The following SLC29A4 variants were observed in gnomAD, a reference collection of about 807,000 sequenced individuals.
SLC29A4 encodes solute carrier family 29 member 4.
Under a neutral mutation model 43.9 loss-of-function variants are expected in SLC29A4, and 36 were observed. The observed-to-expected ratio is 0.82, with a 90% CI of 0.63 to 1.08. The LOEUF is 1.08. Among genes scored for constraint, SLC29A4 ranks in the 50% least tolerant of loss-of-function variants. SLC29A4 has a pLI of 0.00. For synonymous variants in SLC29A4, 491 were observed against 338.0 expected (o/e 1.45, Z -4.97); for missense variants, 869 against 755.3 (o/e 1.15, Z -1.77).
rs911599072 is a variant in SLC29A4 at position 5,303,208 on chromosome 7, G to C, written c.*269G>C. On this transcript the variant is annotated 3_prime_UTR_variant, in exon 11 of 11. Coordinates refer to ENST00000396872, the MANE Select transcript of SLC29A4 (RefSeq NM_153247.4). ...TCATACCTGCGTCTACCTTCCATCT[G>C]TGTCCAGCGGCCCCGGCTCCAGCCC... is the stretch of plus-strand genomic sequence containing the variant. 1.8e-6 allele frequency: 1 copy of C among 542,956 alleles called. No individual in the cohort carries two copies. Among genetic ancestry groups the C allele is most frequent in the Admixed American group, 3.3e-5 (1 of 30,570 alleles). The allele number at this position is 542,956 out of a possible 1,614,324, so 33.6% of individuals were successfully genotyped here.
intron 5 of SLC29A4, among the ~76,000 whole-genome samples, chr7:5,293,368 C>T (rs1253487649): frequency 1.3e-5 from 2 of 151,890 alleles, no homozygotes; most frequent in Admixed American, 6.6e-5. Flanking sequence ...GATGGGGTTT[C>T]ACCATATTGG....
chr7:5,291,884 C>G (rs1055724544), intron 5 of SLC29A4, 63 bp downstream of exon 5: 3 of 1,554,858 alleles, frequency 1.9e-6, no homozygotes, highest in Non-Finnish European at 2.6e-6. Context: ...CCCACCCCAG[C>G]CCTGGTCTCC....
intron 5 of SLC29A4, among the ~76,000 whole-genome samples, chr7:5,294,541 C>T (rs191184836): frequency 5.9e-5 from 9 of 152,206 alleles, no homozygotes; most frequent in Middle Eastern, 3.4e-3. Flanking sequence ...CTCCCCACCC[C>T]GTAACACATG....
Position 5,299,132 on chromosome 7 carries a change from T to C in SLC29A4, c.1021+6T>C. The C allele has an allele frequency of 6.2e-7, 1 of 1,607,206 alleles. No individual in the cohort carries two copies. Among genetic ancestry groups the C allele is most frequent in the South Asian group, 1.1e-5 (1 of 90,812 alleles). On this transcript the variant is annotated splice_donor_region_variant and intron_variant, in intron 8 of 10. Transcript: ENST00000396872. ...CAGCTGGCCCACCTTCAGAGGTGAG[T>C]GCGGGGAGTCCTCTGCTGCCCTGGC...
intron 7 of SLC29A4, among the ~76,000 whole-genome samples, chr7:5,297,645 C>A (rs944646715): frequency 2.0e-5 from 3 of 152,072 alleles, no homozygotes; most frequent in Non-Finnish European, 4.4e-5. Context: ...AAGCTCACAG[C>A]CTTCCTCCCT....
Position 5,284,265 on chromosome 7 carries a change from G to A in SLC29A4, c.-9+1183G>A, listed in dbSNP as rs1784831320. On this transcript the variant is annotated intron_variant, in intron 1 of 10. Coordinates refer to ENST00000396872, the MANE Select transcript of SLC29A4 (RefSeq NM_153247.4). The stretch of plus-strand genomic sequence containing the variant: ...ATTAATAAATGGGGGAGAGCGGTGG[G>A]AGCCCTGCCTTGCCCATAGCAGTGT... Among the ~76,000 whole-genome samples the A allele has an allele frequency of 1.3e-5, 2 of 151,606 alleles. 1 individual carries two copies.
chr7:5,295,943 A>G (rs1583666906), intron 6 of SLC29A4, among the ~76,000 whole-genome samples: 1 of 101,040 alleles, frequency 9.9e-6, no homozygotes, highest in Admixed American at 1.0e-4. Flanking sequence ...GTGGCCCACC[A>G]TGGCCCACCA....
At chr7:5,302,653 G>T (rs1233737954) in intron 10 of SLC29A4, 144 bp from the exon 11 acceptor site, 4 of 752,306 alleles carry the variant, frequency 5.3e-6, no homozygotes, top group Admixed American at 2.9e-5. Flanking sequence ...TCCGGAGAGG[G>T]TGCTCCCAGG....
intron 10 of SLC29A4, among the ~76,000 whole-genome samples, chr7:5,301,492 C>T (rs1328915620): frequency 6.6e-6 from 1 of 152,000 alleles, no homozygotes; most frequent in African/African-American, 2.4e-5. Context: ...GGAAAGGCAT[C>T]CAGGAAGAGG....
Position 5,303,348 on chromosome 7 carries a change from T to G in SLC29A4, c.*409T>G. ...GGCCCTCATCACCCACCGGCACTGA[T>G]CGGGGCACCGCCTGGCCCAGCCTCC... is the stretch of plus-strand genomic sequence containing the variant. On this transcript the variant is annotated 3_prime_UTR_variant, in exon 11 of 11. Coordinates refer to ENST00000396872, the MANE Select transcript of SLC29A4 (RefSeq NM_153247.4). The G allele has an allele frequency of 4.1e-6, 1 of 242,896 alleles. No homozygotes were observed. The highest frequency in any genetic ancestry group is 8.0e-6 in the Non-Finnish European group (1 of 125,674). 15.0% of individuals were successfully genotyped at this position (242,896 alleles called of 1,614,324 possible).
intron 1 of SLC29A4, among the ~76,000 whole-genome samples, chr7:5,285,870 G>A (rs185301163): frequency 1.3e-5 from 2 of 152,044 alleles, no homozygotes; most frequent in African/African-American, 2.4e-5. Flanking sequence ...AAAATTAGCC[G>A]GGCCTGGTGG....
chr7:5,299,497 A>G, intron 9 of SLC29A4, 70 bp downstream of exon 9: 2 of 1,504,286 alleles, frequency 1.3e-6, no homozygotes, highest in Admixed American at 3.8e-5. Context: ...GCCCTGGCCT[A>G]TCCGGGAAGG....
At position 5,290,835 on chromosome 7, in the gene SLC29A4, C is replaced by G; in HGVS notation, c.273C>G (p.Asp91Glu). ...TGCCATACAACAGCTTCATCACGGA[C>G]GTGGACTACCTGCATCACAAGTACC... ...FLLPYNSFITDVDYLHHKYPG... is the reference protein window; with the variant it reads ...FLLPYNSFITEVDYLHHKYPG... The change falls in exon 3 of 11, where the codon GAC becomes GAG. Residue 91 changes from aspartate (D) to glutamate (E), a missense_variant. Asp to Glu is a conservative substitution (Grantham distance 45). Coordinates refer to ENST00000396872, the MANE Select transcript of SLC29A4 (RefSeq NM_153247.4). 1 of 1,613,512 alleles carries G rather than the reference C, an allele frequency of 6.2e-7. No homozygotes were observed. The highest frequency in any genetic ancestry group is 8.5e-7 in the Non-Finnish European group (1 of 1,179,852).
At chr7:5,295,824 C>T (rs954093753) in intron 6 of SLC29A4, among the ~76,000 whole-genome samples, 1 of 145,076 alleles carries the variant, frequency 6.9e-6, no homozygotes, top group African/African-American at 2.5e-5. Flanking sequence ...TGTGGTGTGG[C>T]CGAGCGAGAG....
At chr7:5,300,381 T>C (rs1218483274) in intron 9 of SLC29A4, 41 bp from the exon 10 acceptor site, 2 of 1,608,660 alleles carry the variant, frequency 1.2e-6, no homozygotes, top group Non-Finnish European at 1.7e-6. Context: ...CGAGTGGGGC[T>C]GTGGCCGGGA....
At chr7:5,294,696 C>T (rs1305794202) in intron 5 of SLC29A4, among the ~76,000 whole-genome samples, 164 bp from the exon 6 acceptor site, 1 of 152,172 alleles carries the variant, frequency 6.6e-6, no homozygotes, top group Non-Finnish European at 1.5e-5. Context: ...CCCAAGGGTA[C>T]ACTGGCTGGT....
At chr7:5,297,727 C>T (rs1785811282) in intron 7 of SLC29A4, among the ~76,000 whole-genome samples, 1 of 152,094 alleles carries the variant, frequency 6.6e-6, no homozygotes, top group South Asian at 2.1e-4. Context: ...TGTGGCGGGG[C>T]CCCCAGAATT....
At chr7:5,294,282 C>G (rs181622761) in intron 5 of SLC29A4, among the ~76,000 whole-genome samples, 12 of 152,266 alleles carry the variant, frequency 7.9e-5, no homozygotes, top group Non-Finnish European at 1.6e-4. Context: ...GCCCCTGAGG[C>G]TACTTCCAGG....
intron 1 of SLC29A4, among the ~76,000 whole-genome samples, chr7:5,285,352 G>C (rs1784883455): frequency 6.6e-6 from 1 of 152,052 alleles, no homozygotes; most frequent in African/African-American, 2.4e-5. Context: ...CCTAGAAGGG[G>C]AGACACGCTG....
Sources: allele counts gnomAD v4.1 joint callset (sites outside exome capture counted in the v4.1 genomes callset), GRCh38; gene constraint gnomAD v4.1.1; transcripts MANE v1.5; gene names NCBI Gene and HGNC (gene_info 2026-07-23, HGNC 2026-07-21).